The following RPL30 variants were observed in gnomAD, a reference collection of about 807,000 sequenced individuals.
RPL30 encodes the protein ribosomal protein L30, also known as large ribosomal subunit protein eL30.
For missense variants in RPL30, 60 were observed against 138.0 expected, an observed-to-expected ratio of 0.43 and a Z score of 2.83; for synonymous variants, 40 against 50.4, an observed-to-expected ratio of 0.79 and a Z score of 0.87.
At chr8:98,042,586 TCCAGA>T in intron 4 of RPL30, 54 bp downstream of exon 4, 1 of 1,474,442 alleles carries the variant, frequency 6.8e-7, no homozygotes, top group Non-Finnish European at 9.2e-7. Context: ...GAAATACTTG[TCCAGA>T]CATTACATTA....
chr8:98,042,860 A>T, intron 3 of RPL30, 85 bp from the exon 4 acceptor site: 1 of 1,332,646 alleles, frequency 7.5e-7, no homozygotes. Context: ...TACTAGTGTT[A>T]ATGTTGTTAA....
At chr8:98,044,680 G>C (rs995685875) in intron 3 of RPL30, 3 of 441,524 alleles carry the variant, frequency 6.8e-6, no homozygotes, top group Admixed American at 4.1e-5. Context: ...TAATGTGTCT[G>C]TGTTTCCATT....
Position 98,045,315 on chromosome 8 carries a change from ATC to A in RPL30, c.21+30_21+31del, listed in dbSNP as rs1232110728. 1.9e-6 allele frequency: 3 copies of A among 1,614,052 alleles called. No individual in the cohort carries two copies. The South Asian group carries it at 3.3e-5, about 18-fold the overall frequency. On this transcript the variant is annotated intron_variant, in intron 2 of 4. Transcript: ENST00000287038. ...CTGGCCAAGACATCTCTCCACGTGA[ATC>A]GTCTTCCGGGCCTGGCCCGCCTCAC...
At chr8:98,045,123 C>G in intron 2 of RPL30, 35 bp from the exon 3 acceptor site, 41 of 1,598,638 alleles carry the variant, frequency 2.6e-5, no homozygotes, top group Middle Eastern at 1.7e-4. Context: ...ACCTAAGGGC[C>G]TCGCCTGCAA....
chr8:98,044,160 T>C (rs1814433770), intron 3 of RPL30: 1 of 152,268 alleles, frequency 6.6e-6, no homozygotes, highest in Non-Finnish European at 1.5e-5. Flanking sequence ...CCAGATCCAA[T>C]GAAATCAGAA....
Position 98,045,017 on chromosome 8 carries a change from G to A in RPL30, c.93C>T (p.Tyr31=). 1 of 1,613,912 alleles carries A rather than the reference G, an allele frequency of 6.2e-7. No individual in the cohort carries two copies. Among genetic ancestry groups the A allele is most frequent in the Non-Finnish European group, 8.5e-7 (1 of 1,179,998 alleles). Reference sequence around the variant, plus strand: ...GTCTGATCATCTTCAGAGTCTGCTTGTACCCCAGGACGTACTTCCCACTTT... The same window carrying A: ...GTCTGATCATCTTCAGAGTCTGCTTATACCCCAGGACGTACTTCCCACTTT... ...VMKSGKYVLG[Y]KQTLKMIRQG... is the part of the protein sequence containing the mutation. The change falls in exon 3 of 5, where the codon TAC becomes TAT. Residue 31 remains tyrosine (Y), a synonymous_variant. Coordinates refer to ENST00000287038, the MANE Select transcript of RPL30 (RefSeq NM_000989.4).
Position 98,041,853 on chromosome 8 carries a change from AAAAAAT to A in RPL30, c.299-9_299-4del, listed in dbSNP as rs1362283761. 2 of 1,581,810 alleles carry A rather than the reference AAAAAAT, an allele frequency of 1.3e-6. No homozygotes were observed. The highest frequency in any genetic ancestry group is 2.2e-5 in the East Asian group (1 of 44,654). Reference sequence around the variant, plus strand: ...GCTTCTAATGATGTCAGAGTCACCTAAAAAATAAAAATAAAAAAACAGTAATTTTAC... The same window carrying A: ...GCTTCTAATGATGTCAGAGTCACCTAAAAAATAAAAAAACAGTAATTTTAC... On this transcript the variant is annotated splice_polypyrimidine_tract_variant and splice_region_variant and intron_variant, in intron 4 of 4. Coordinates refer to ENST00000287038, the MANE Select transcript of RPL30 (RefSeq NM_000989.4).
chr8:98,042,892 TCA>T (rs762155384), intron 3 of RPL30, 117 bp from the exon 4 acceptor site: 49 of 914,160 alleles, frequency 5.4e-5, no homozygotes, highest in Non-Finnish European at 7.3e-5. Context: ...AGTAACAAAA[TCA>T]CATATTACTC....
chr8:98,041,737 AT>A lies in RPL30; in HGVS notation c.*63del, dbSNP rs201356804. 4,172 of 1,106,704 alleles carry A rather than the reference AT, an allele frequency of 3.8e-3. 66 individuals are homozygous for A. In the African/African-American group the frequency reaches 0.04, roughly 11 times the overall value. The allele number at this position is 1,106,704 out of a possible 1,614,324, so 68.6% of individuals were successfully genotyped here. The stretch of plus-strand genomic sequence containing the variant: ...GATACAATGTTTTTAAAACAAGCAA[AT>A]TTTATTAAAGGAAAATTTTGCAGGT... On this transcript the variant is annotated 3_prime_UTR_variant, in exon 5 of 5. Transcript: ENST00000287038.
intron 3 of RPL30, chr8:98,043,667 G>A (rs1675026732): frequency 6.6e-6 from 1 of 151,764 alleles, no homozygotes; most frequent in African/African-American, 2.4e-5. Context: ...TGGCCAACAT[G>A]GTGAAACCTT....
chr8:98,043,811 T>C (rs1022364130), intron 3 of RPL30: 2 of 152,060 alleles, frequency 1.3e-5, no homozygotes, highest in African/African-American at 4.8e-5. Flanking sequence ...CTACAATGTA[T>C]TAGTTAAAAA....
chr8:98,042,529 A>C (rs893687024), intron 4 of RPL30, 116 bp downstream of exon 4: 2 of 967,124 alleles, frequency 2.1e-6, no homozygotes, highest in African/African-American at 3.3e-5. Context: ...GCCTTGCTAG[A>C]TCCATATTCT....
Position 98,042,683 on chromosome 8 carries a change from T to C in RPL30, c.260A>G (p.Lys87Arg), listed in dbSNP as rs1268079615. The change falls in exon 4 of 5, where the codon AAA becomes AGA. Residue 87 changes from lysine to arginine, a missense_variant. Coordinates refer to ENST00000287038, the MANE Select transcript of RPL30 (RefSeq NM_000989.4). ...NNIELGTACG[K>R]YYRVCTLAII... ...AGCCAGTGTGCACACTCTGTAGTAT[T>C]TTCCGCATGCTGTGCCCAGTTCAAT... The C allele has an allele frequency of 6.2e-7, 1 of 1,612,770 alleles. No individual in the cohort carries two copies. The highest frequency in any genetic ancestry group is 8.5e-7 in the Non-Finnish European group (1 of 1,179,674).
At chr8:98,042,837 TTAC>T (rs1200627297) in intron 3 of RPL30, 62 bp from the exon 4 acceptor site, 5 of 1,445,476 alleles carry the variant, frequency 3.5e-6, no homozygotes, top group South Asian at 2.9e-5. Context: ...AGACTAAATG[TTAC>T]TACTTCTTTT....
chr8:98,043,597 C>T (rs999089905), intron 3 of RPL30: 4 of 151,586 alleles, frequency 2.6e-5, no homozygotes, highest in Middle Eastern at 3.4e-3. Flanking sequence ...TGGCCTCACG[C>T]GTGTAATCCC....
rs1428147243 is a variant in RPL30, at chr8:98,044,886, T to C, written c.167+57A>G. On this transcript the variant is annotated intron_variant, in intron 3 of 4. Coordinates refer to ENST00000287038, the MANE Select transcript of RPL30 (RefSeq NM_000989.4). ...CTCAGATTACAAGTTTACACTCCTG[T>C]ATATTCGTTCACGATGAATTCGCGG... 5 of 1,558,710 alleles carry C rather than the reference T, an allele frequency of 3.2e-6. No homozygotes were observed. In the African/African-American group the frequency reaches 6.8e-5, roughly 21 times the overall value.
At chr8:98,042,896 A>G (rs994046276) in intron 3 of RPL30, 121 bp from the exon 4 acceptor site, 4 of 886,130 alleles carry the variant, frequency 4.5e-6, no homozygotes, top group African/African-American at 3.5e-5. Flanking sequence ...ACAAAATCAC[A>G]TATTACTCTT....
Position 98,041,778 on chromosome 8 carries a change from T to C in RPL30, c.*23A>G, listed in dbSNP as rs1248562947. On this transcript the variant is annotated 3_prime_UTR_variant, in exon 5 of 5. Transcript: ENST00000287038. ...ATTTTGCAGGTTTAAGGTTTGCAGG[T>C]GAAATTTTGTAGGTGAAAAGGTTTA... The C allele has an allele frequency of 6.4e-7, 1 of 1,569,800 alleles. No individual in the cohort carries two copies. The highest frequency in any genetic ancestry group is 8.7e-7 in the Non-Finnish European group (1 of 1,150,784).
chr8:98,042,262 A>AC, intron 4 of RPL30: 5 of 511,254 alleles, frequency 9.8e-6, no homozygotes, highest in South Asian at 7.7e-5. Context: ...AGAATGATGT[A>AC]GATTTTTTGG....
Sources: allele counts gnomAD v4.1 joint callset, GRCh38; gene constraint gnomAD v4.1.1; transcripts MANE v1.5; gene names NCBI Gene and HGNC (gene_info 2026-07-23, HGNC 2026-07-21).